Variants in RPA3 observed in about 807,000 individuals in gnomAD.
RPA3 encodes replication protein A 14 kDa subunit.
RPA3 carries 24 observed loss-of-function variants against 13.7 expected under a neutral mutation model. The observed-to-expected ratio is 1.75, with a 90% CI of 1.27 to 2.46. RPA3 has a LOEUF of 2.46. Among genes scored for constraint, RPA3 ranks in the 30% most tolerant of loss-of-function variants. The pLI, the probability that RPA3 is intolerant of heterozygous loss-of-function variation, is 0.00. For synonymous variants in RPA3, 59 were observed against 51.2 expected (o/e 1.15, Z -0.65); for missense variants, 183 against 151.0 (o/e 1.21, Z -1.11).
At chr7:7,693,705 A>G (rs985976424) in intron 2 of RPA3, among the ~76,000 whole-genome samples, 3 of 152,120 alleles carry the variant, frequency 2.0e-5, no homozygotes, top group Non-Finnish European at 4.4e-5. Flanking sequence ...ACTTTATTAC[A>G]ATTTTAATAA....
chr7:7,689,572 C>T (rs976092900), intron 2 of RPA3: 2 of 152,150 alleles, frequency 1.3e-5, no homozygotes, highest in African/African-American at 2.4e-5. Flanking sequence ...ATAATGCTAT[C>T]TCCCTGGATA....
intron 2 of RPA3, among the ~76,000 whole-genome samples, chr7:7,697,308 A>T (rs1780345119): frequency 6.6e-6 from 1 of 152,138 alleles, no homozygotes; most frequent in South Asian, 2.1e-4. Flanking sequence ...CTTAGTGTTT[A>T]TTGCTTTAAT....
chr7:7,689,236 G>C (rs969056131), intron 2 of RPA3: 3 of 152,196 alleles, frequency 2.0e-5, no homozygotes, highest in Non-Finnish European at 4.4e-5. Flanking sequence ...CTCATGGGCA[G>C]ATACAGACAG....
chr7:7,660,053 T>A lies in RPA3; in HGVS notation c.-757-18878A>T, dbSNP rs113637147. The stretch of plus-strand genomic sequence containing the variant: ...TTGCATTGATCCCTTTACCATTATG[T>A]AATGCTCTTTTTGTCTCTTTTGATC... On this transcript the variant is annotated intron_variant, in intron 4 of 7. Transcript: ENST00000223129. Among the ~76,000 whole-genome samples, 201 of 152,340 alleles carry A rather than the reference T, an allele frequency of 1.3e-3. 1 individual carries two copies. Among genetic ancestry groups the A allele is most frequent in the Middle Eastern group, 0.01 (3 of 294 alleles).
At chr7:7,660,457 G>A (rs1785446921) in intron 4 of RPA3, among the ~76,000 whole-genome samples, 1 of 152,184 alleles carries the variant, frequency 6.6e-6, no homozygotes, top group Non-Finnish European at 1.5e-5. Context: ...TCCTTTCCAT[G>A]TTTAGTGTTT....
At chr7:7,638,714 G>C (rs1276414506) in intron 6 of RPA3, 1 of 170,070 alleles carries the variant, frequency 5.9e-6, no homozygotes, top group African/African-American at 2.4e-5. Flanking sequence ...GGGTAACAGA[G>C]TGAGACCCTG....
chr7:7,660,660 A>G (rs1785452220), intron 4 of RPA3, among the ~76,000 whole-genome samples: 1 of 152,202 alleles, frequency 6.6e-6, no homozygotes, highest in Non-Finnish European at 1.5e-5. Flanking sequence ...GGGTTTCTGC[A>G]GAGAGATCCA....
intron 2 of RPA3, among the ~76,000 whole-genome samples, chr7:7,700,367 A>C (rs1256134912): frequency 3.3e-5 from 5 of 152,200 alleles, no homozygotes; most frequent in East Asian, 1.9e-4. Flanking sequence ...ATTTCATTTC[A>C]TGAATTTTGA....
intron 4 of RPA3, among the ~76,000 whole-genome samples, chr7:7,648,086 A>G (rs1398499785): frequency 6.6e-6 from 1 of 152,170 alleles, no homozygotes; most frequent in Admixed American, 6.5e-5. Flanking sequence ...CTGGCCTGGG[A>G]GGTCTCAGCT....
chr7:7,665,575 G>A (rs757642043), intron 4 of RPA3, among the ~76,000 whole-genome samples: 2 of 152,174 alleles, frequency 1.3e-5, no homozygotes, highest in Non-Finnish European at 2.9e-5. Context: ...AATTTGATGA[G>A]TTTTGATGTG....
intron 4 of RPA3, among the ~76,000 whole-genome samples, chr7:7,662,161 CA>C (rs1269346832): frequency 1.3e-5 from 2 of 152,122 alleles, no homozygotes; most frequent in East Asian, 3.9e-4. Context: ...CCCTTCCCCC[CA>C]CCAAGCTCGA....
At chr7:7,659,311 T>C (rs6463713) in intron 4 of RPA3, among the ~76,000 whole-genome samples, 141,347 of 152,158 alleles carry the variant, frequency 0.93, 65,724 homozygotes, top group African/African-American at 0.97. Flanking sequence ...TCCTTCATTT[T>C]TGCTCTGATC....
intron 4 of RPA3, among the ~76,000 whole-genome samples, chr7:7,684,945 T>C (rs1441152483): frequency 3.3e-5 from 5 of 152,224 alleles, no homozygotes; most frequent in Admixed American, 1.3e-4. Flanking sequence ...TACCATGTTA[T>C]GTACATGGAA....
intron 4 of RPA3, among the ~76,000 whole-genome samples, chr7:7,643,357 G>A (rs1391613184): frequency 1.3e-5 from 2 of 152,216 alleles, no homozygotes; most frequent in Non-Finnish European, 2.9e-5. Flanking sequence ...GGAGGGCTCT[G>A]TGCCTGCCGG....
At chr7:7,700,610 G>A (rs546602661) in intron 2 of RPA3, among the ~76,000 whole-genome samples, 3 of 152,232 alleles carry the variant, frequency 2.0e-5, no homozygotes, top group East Asian at 3.9e-4. Flanking sequence ...CCAAAGGGCC[G>A]GGCGCGGTGG....
chr7:7,696,729 C>A (rs1244911724), intron 2 of RPA3, among the ~76,000 whole-genome samples: 1 of 152,140 alleles, frequency 6.6e-6, no homozygotes, highest in African/African-American at 2.4e-5. Context: ...AAAGTCAGCT[C>A]TCAATAGTGG....
intron 6 of RPA3, 193 bp downstream of exon 6, chr7:7,638,877 A>T (rs887516886): frequency 1.2e-5 from 5 of 408,054 alleles, no homozygotes; most frequent in Non-Finnish European, 1.7e-5. Flanking sequence ...TGACGCCCAA[A>T]AAATCATTGG....
chr7:7,698,019 G>A (rs982518499), intron 2 of RPA3, among the ~76,000 whole-genome samples: 1 of 152,136 alleles, frequency 6.6e-6, no homozygotes, highest in Non-Finnish European at 1.5e-5. Context: ...TTGTTAGAAT[G>A]TGCATTTCTT....
At chr7:7,695,029 C>T (rs1290542628) in intron 2 of RPA3, among the ~76,000 whole-genome samples, 1 of 152,140 alleles carries the variant, frequency 6.6e-6, no homozygotes, top group Non-Finnish European at 1.5e-5. Flanking sequence ...TCCCCTTTTG[C>T]CATATCCTTG....
Sources: allele counts gnomAD v4.1 joint callset (sites outside exome capture counted in the v4.1 genomes callset), GRCh38; gene constraint gnomAD v4.1.1; transcripts MANE v1.5; gene names NCBI Gene and HGNC (gene_info 2026-07-23, HGNC 2026-07-21).